Variants in MRM1 observed in about 807,000 individuals in gnomAD.
The protein encoded by MRM1 is mitochondrial rRNA methyltransferase 1.
In MRM1, 24 loss-of-function variants were observed where a neutral mutation model predicts 25.0. That is an observed-to-expected ratio of 0.96 (90% CI 0.69 to 1.35). MRM1 has a LOEUF of 1.35. Among genes scored for constraint, MRM1 ranks in the 40% most tolerant of loss-of-function variants. The pLI is 0.00. For missense variants in MRM1, 431 were observed against 464.1 expected (o/e 0.93, Z 0.65); for synonymous variants, 188 against 199.2 (o/e 0.94, Z 0.47).
chr17:36,613,166 AT>A (rs903171941), downstream of MRM1, among the ~76,000 whole-genome samples: 7 of 151,960 alleles, frequency 4.6e-5, no homozygotes, highest in Admixed American at 6.6e-5. Flanking sequence ...GGCCTGGAAT[AT>A]TTTTTTGGCA....
the MRM1 span, among the ~76,000 whole-genome samples, chr17:36,621,032 C>A: frequency 6.6e-6 from 1 of 152,152 alleles, no homozygotes; most frequent in Non-Finnish European, 1.5e-5. Flanking sequence ...GTCTCTGATC[C>A]TAATTTTCTT....
the MRM1 span, among the ~76,000 whole-genome samples, chr17:36,621,267 T>A: frequency 1.3e-5 from 2 of 152,124 alleles, no homozygotes; most frequent in Admixed American, 1.3e-4. Flanking sequence ...GCCAGCCTCA[T>A]AACCTGGATG....
chr17:36,624,846 G>A, the MRM1 span, among the ~76,000 whole-genome samples: 2 of 152,136 alleles, frequency 1.3e-5, no homozygotes, highest in African/African-American at 4.8e-5. The surrounding 1 kb of genome is among the most constrained non-coding windows in gnomAD (Gnocchi z 4.0). Flanking sequence ...AGCAGGCTCT[G>A]AGTACATGGG....
chr17:36,615,546 C>G, the MRM1 span, among the ~76,000 whole-genome samples: 4 of 151,974 alleles, frequency 2.6e-5, no homozygotes, highest in Non-Finnish European at 5.9e-5. Flanking sequence ...ATAATCCCAG[C>G]TACTCAGGAG....
downstream of MRM1, among the ~76,000 whole-genome samples, chr17:36,610,083 C>T (rs905633088): frequency 2.0e-5 from 3 of 151,418 alleles, no homozygotes; most frequent in African/African-American, 7.3e-5. Flanking sequence ...GCACCACGCG[C>T]AGCTAATTTT....
At chr17:36,628,828 A>AG in the MRM1 span, among the ~76,000 whole-genome samples, 2 of 152,200 alleles carry the variant, frequency 1.3e-5, no homozygotes, top group Non-Finnish European at 2.9e-5. Context: ...AAGGTTACAC[A>AG]GCTCATGTAG....
the MRM1 span, among the ~76,000 whole-genome samples, chr17:36,623,986 G>T: frequency 1.3e-5 from 2 of 152,160 alleles, no homozygotes; most frequent in Non-Finnish European, 2.9e-5. Context: ...CCAGGATTCT[G>T]CTAATCTTCC....
chr17:36,628,902 A>C, the MRM1 span, among the ~76,000 whole-genome samples: 3 of 152,114 alleles, frequency 2.0e-5, no homozygotes, highest in Non-Finnish European at 4.4e-5. Flanking sequence ...TTTTGACTCC[A>C]TCAGGCTGAT....
chr17:36,609,179 G>GT (rs1427283107), downstream of MRM1, among the ~76,000 whole-genome samples: 1 of 152,224 alleles, frequency 6.6e-6, no homozygotes, highest in Non-Finnish European at 1.5e-5. Context: ...CAGGCTTGCC[G>GT]TTGATTGTAC....
At chr17:36,620,574 C>A in the MRM1 span, among the ~76,000 whole-genome samples, 1 of 152,126 alleles carries the variant, frequency 6.6e-6, no homozygotes, top group African/African-American at 2.4e-5. Flanking sequence ...TAGAGTTGTG[C>A]GAGACCTCAG....
chr17:36,615,270 C>A, the MRM1 span, among the ~76,000 whole-genome samples: 5 of 152,174 alleles, frequency 3.3e-5, no homozygotes, highest in African/African-American at 7.2e-5. Flanking sequence ...CCCTTCTCCC[C>A]CTTCGGGCTC....
chr17:36,631,733 T>C, the MRM1 span, among the ~76,000 whole-genome samples: 1 of 152,218 alleles, frequency 6.6e-6, no homozygotes, highest in African/African-American at 2.4e-5. Flanking sequence ...ACTGAGGTGC[T>C]GGCAGAGGTG....
rs2142832928 is a variant in MRM1 at position 36,602,743 on chromosome 17, G to A, written c.636+97G>A. ...CCTGGCGAGGGAGAGAAAGGGGCAT[G>A]TTGGCACCGCTTCCTTTGGCCTTCT... On this transcript the variant is annotated intron_variant, in intron 2 of 4. Transcript: ENST00000614766. The surrounding 1 kb of genome is among the most constrained non-coding windows in gnomAD (Gnocchi z 4.1). The A allele has an allele frequency of 1.4e-6, 2 of 1,448,548 alleles. No homozygotes were observed. Among genetic ancestry groups the A allele is most frequent in the African/African-American group, 2.8e-5 (2 of 71,580 alleles). 89.7% of individuals were successfully genotyped at this position (1,448,548 alleles called of 1,614,324 possible).
At chr17:36,622,335 G>A in the MRM1 span, among the ~76,000 whole-genome samples, 1 of 152,140 alleles carries the variant, frequency 6.6e-6, no homozygotes. Flanking sequence ...ACTTTGGGAG[G>A]CCGAGGTGTG....
At chr17:36,620,396 G>A in the MRM1 span, among the ~76,000 whole-genome samples, 7 of 152,196 alleles carry the variant, frequency 4.6e-5, no homozygotes, top group Non-Finnish European at 8.8e-5. Context: ...TGGTGGGAAG[G>A]CAGTGATTGT....
chr17:36,622,179 A>T, the MRM1 span, among the ~76,000 whole-genome samples: 30 of 152,264 alleles, frequency 2.0e-4, no homozygotes, highest in African/African-American at 7.0e-4. Flanking sequence ...AAAAGGGCAC[A>T]GGCTTCCCTG....
chr17:36,605,370 C>T (rs1266673913), intron 2 of MRM1, among the ~76,000 whole-genome samples: 8 of 148,552 alleles, frequency 5.4e-5, no homozygotes, highest in African/African-American at 1.7e-4. Flanking sequence ...GATGAGGTCT[C>T]ACTTTGTTGC....
intron 2 of MRM1, among the ~76,000 whole-genome samples, chr17:36,604,620 C>T (rs1488180987): frequency 6.6e-6 from 1 of 151,340 alleles, no homozygotes; most frequent in Non-Finnish European, 1.5e-5. Flanking sequence ...TCCTGGCTAA[C>T]ACGGTGAAAC....
the MRM1 span, among the ~76,000 whole-genome samples, chr17:36,633,756 G>C: frequency 1.3e-5 from 2 of 152,104 alleles, no homozygotes; most frequent in Admixed American, 1.3e-4. Context: ...AGCAGTCCCC[G>C]ATAGCAGCAG....
Sources: gnomAD v4.1 joint callset for allele counts (sites outside exome capture counted in the v4.1 genomes callset) on GRCh38, gnomAD v4.1.1 for gene constraint, Gnocchi (gnomAD v3.1) non-coding constraint, MANE v1.5 for transcripts, NCBI Gene and HGNC (gene_info 2026-07-23, HGNC 2026-07-21) for gene names.